The following PAK2 variants were observed in gnomAD, a reference collection of about 807,000 sequenced individuals.
The protein encoded by PAK2 is p21 (RAC1) activated kinase 2, also known as serine/threonine-protein kinase PAK 2.
In PAK2, 21 loss-of-function variants were observed where a neutral mutation model predicts 65.9. The ratio of observed to expected loss-of-function variants is 0.32; its 90% CI spans 0.23 to 0.46. The LOEUF is 0.46. Ranked by LOEUF, PAK2 falls within the 20% of genes least tolerant of loss-of-function variation. PAK2 has a pLI of 1.00. For synonymous variants in PAK2, 204 were observed against 219.7 expected, an observed-to-expected ratio of 0.93 and a Z score of 0.63; for missense variants, 324 against 642.6, an observed-to-expected ratio of 0.50 and a Z score of 5.36.
intron 2 of PAK2, among the ~76,000 whole-genome samples, chr3:196,783,301 A>ATG (rs1714771505): frequency 6.6e-6 from 1 of 152,206 alleles, no homozygotes; most frequent in Non-Finnish European, 1.5e-5. Flanking sequence ...TCACAGACTG[A>ATG]TGTGTCCTCA....
intron 4 of PAK2, among the ~76,000 whole-genome samples, chr3:196,804,404 G>A (rs1006422285): frequency 2.6e-5 from 4 of 152,076 alleles, no homozygotes; most frequent in Non-Finnish European, 4.4e-5. Context: ...ACCACAAAAT[G>A]GTAGCTTATT....
At chr3:196,779,654 C>G (rs1262957343) in intron 1 of PAK2, among the ~76,000 whole-genome samples, 2 of 152,030 alleles carry the variant, frequency 1.3e-5, no homozygotes, top group African/African-American at 4.8e-5. Flanking sequence ...AATTATTGTG[C>G]CCTGTTTTTG....
chr3:196,768,159 A>ATTTGTGAG (rs1394642683), intron 1 of PAK2, among the ~76,000 whole-genome samples: 3 of 152,076 alleles, frequency 2.0e-5, no homozygotes, highest in Non-Finnish European at 4.4e-5. Flanking sequence ...ACGTGGTGGG[A>ATTTGTGAG]CACTGAGGAG....
At position 196,831,147 on chromosome 3, in the gene PAK2, C is replaced by T. The variant is rs1712067570; in HGVS notation, c.*2742C>T. ...AGGCAGTCTGCCCACCTTGGCCTCCCAAAGTGCTGCAGTTACAGGCGTGAG... is the reference window on the plus strand; with the variant it reads ...AGGCAGTCTGCCCACCTTGGCCTCCTAAAGTGCTGCAGTTACAGGCGTGAG... On this transcript the variant is annotated 3_prime_UTR_variant, in exon 15 of 15. Coordinates refer to ENST00000327134, the MANE Select transcript of PAK2 (RefSeq NM_002577.4). 6.6e-6 allele frequency: 1 copy of T among 152,244 alleles called. No individual in the cohort carries two copies. The highest frequency in any genetic ancestry group is 1.5e-5 in the Non-Finnish European group (1 of 68,064). 9.4% of individuals were successfully genotyped at this position (152,244 alleles called of 1,614,324 possible). A position where few individuals can be genotyped will look rare whatever the true frequency, so the allele number is the denominator to read the frequency against.
Position 196,759,498 on chromosome 3 carries a change from G to GTTTTTTTTTTTTTTTTT in PAK2, c.-22+19364_-22+19380dup, listed in dbSNP as rs71301221. Reference sequence around the variant, plus strand: ...GGTATACAGTTAAGTGGTTTTTTTTGTTTTTTTTTTTTTTTTTTTTTTTTT... The same window carrying GTTTTTTTTTTTTTTTTT: ...GGTATACAGTTAAGTGGTTTTTTTTGTTTTTTTTTTTTTTTTTTTTTTTTTTTTTTTTTTTTTTTTTT... On this transcript the variant is annotated intron_variant, in intron 1 of 14. Transcript: ENST00000327134. Among the ~76,000 whole-genome samples the GTTTTTTTTTTTTTTTTT allele has an allele frequency of 7.1e-4, 77 of 108,146 alleles. 7 individuals carry two copies. Among genetic ancestry groups the GTTTTTTTTTTTTTTTTT allele is most frequent in the African/African-American group, 9.3e-4 (26 of 27,994 alleles). The allele number at this position is 108,146 out of a possible 152,430, so 70.9% of individuals were successfully genotyped here.
chr3:196,826,488 T>G (rs1711881042), intron 13 of PAK2, among the ~76,000 whole-genome samples: 1 of 152,122 alleles, frequency 6.6e-6, no homozygotes, highest in Non-Finnish European at 1.5e-5. Context: ...TTTTTTTGTT[T>G]TGTTTTTTGT....
In PAK2 at chr3:196,820,713, A is replaced by G. The variant is rs1370484669; in HGVS notation, c.1350+146A>G. ...GCCCCTAACTCTGCATCTAGAAATC[A>G]TTTGCTCTCTGAGTTACAAATTAAT... On this transcript the variant is annotated intron_variant, in intron 13 of 14. Coordinates refer to ENST00000327134, the MANE Select transcript of PAK2 (RefSeq NM_002577.4). This position sits in a 1 kb window ranked among gnomAD's most constrained non-coding sequence, Gnocchi z 4.6. 1.1e-5 allele frequency: 5 copies of G among 452,718 alleles called. No individual in the cohort carries two copies. The East Asian group carries it at 1.7e-4, about 15-fold the overall frequency. The allele number at this position is 452,718 out of a possible 1,614,324, so 28.0% of individuals were successfully genotyped here. A position where few individuals can be genotyped will look rare whatever the true frequency, so the allele number is the denominator to read the frequency against.
chr3:196,794,510 T>C (rs560333403), intron 2 of PAK2, among the ~76,000 whole-genome samples: 41 of 152,232 alleles, frequency 2.7e-4, no homozygotes, highest in African/African-American at 9.9e-4. Flanking sequence ...CTCCCCCAAT[T>C]CACAGTGTCT....
rs1201465358 is a variant in PAK2, at chr3:196,829,133, T to A, written c.*728T>A. The A allele has an allele frequency of 6.5e-6, 1 of 152,686 alleles. No individual in the cohort carries two copies. Among genetic ancestry groups the A allele is most frequent in the African/African-American group, 2.4e-5 (1 of 41,472 alleles). 9.5% of individuals were successfully genotyped at this position (152,686 alleles called of 1,614,324 possible). On this transcript the variant is annotated 3_prime_UTR_variant, in exon 15 of 15. Transcript: ENST00000327134. ...AGAGAAGACTAATAATCTCTATTTA[T>A]AACTAAATCATTGAGATAGAAAAAG... is the stretch of plus-strand genomic sequence containing the variant.
chr3:196,771,725 A>G (rs1415727359), intron 1 of PAK2, among the ~76,000 whole-genome samples: 3 of 151,760 alleles, frequency 2.0e-5, no homozygotes, highest in African/African-American at 7.3e-5. Context: ...CGCCTGGCTA[A>G]TTTTGTATTT....
Position 196,797,750 on chromosome 3 carries a change from C to CA in PAK2, c.188-4168dup, listed in dbSNP as rs549203096. On this transcript the variant is annotated intron_variant, in intron 2 of 14. Coordinates refer to ENST00000327134, the MANE Select transcript of PAK2 (RefSeq NM_002577.4). Reference sequence around the variant, plus strand: ...TGGGCAACAAAGCAAGACTCTGTCTCAAAAAAAAATAAAATAAATAAAGGA... The same window carrying CA: ...TGGGCAACAAAGCAAGACTCTGTCTCAAAAAAAAAATAAAATAAATAAAGGA... Among the ~76,000 whole-genome samples, 376 of 146,620 alleles carry CA rather than the reference C, an allele frequency of 2.6e-3. 2 individuals are homozygous for CA. The highest frequency in any genetic ancestry group is 5.1e-3 in the African/African-American group (202 of 39,592).
chr3:196,821,770 GA>G (rs1711662501), intron 13 of PAK2, among the ~76,000 whole-genome samples: 1 of 152,070 alleles, frequency 6.6e-6, no homozygotes, highest in Non-Finnish European at 1.5e-5. Context: ...ATCTGCTTTG[GA>G]AAACAACTTG....
chr3:196,751,674 C>CATATATATATAT (rs149522539), intron 1 of PAK2, among the ~76,000 whole-genome samples: 1,194 of 71,742 alleles, frequency 0.017, 65 homozygotes, highest in South Asian at 0.047. Flanking sequence ...TATTTATATA[C>CATATATATATAT]ATATATATAT....
At chr3:196,745,446 TTC>T (rs1330763895) in intron 1 of PAK2, among the ~76,000 whole-genome samples, 2 of 151,998 alleles carry the variant, frequency 1.3e-5, no homozygotes, top group Admixed American at 6.6e-5. Context: ...ATCTTAATCT[TTC>T]TGGAATTTTT....
At chr3:196,771,410 TCTA>T (rs1282122344) in intron 1 of PAK2, among the ~76,000 whole-genome samples, 2 of 152,146 alleles carry the variant, frequency 1.3e-5, no homozygotes, top group African/African-American at 4.8e-5. Context: ...TCATTAGACT[TCTA>T]CTTACAGATT....
intron 7 of PAK2, among the ~76,000 whole-genome samples, chr3:196,809,204 C>T (rs561862346): frequency 1.3e-4 from 19 of 144,210 alleles, no homozygotes; most frequent in African/African-American, 2.5e-4. Flanking sequence ...GCTGTGATTG[C>T]GCCACTGCAC....
At chr3:196,765,144 T>C (rs1276711924) in intron 1 of PAK2, among the ~76,000 whole-genome samples, 1 of 13,068 alleles carries the variant, frequency 7.7e-5, no homozygotes, top group African/African-American at 2.6e-4. Context: ...GTGCCCGGCC[T>C]TTTTTTTTTT....
At chr3:196,757,642 C>G (rs1713814113) in intron 1 of PAK2, among the ~76,000 whole-genome samples, 1 of 152,098 alleles carries the variant, frequency 6.6e-6, no homozygotes, top group Non-Finnish European at 1.5e-5. Context: ...TTGCCCAGAC[C>G]CTGCACCATT....
At chr3:196,793,987 T>C (rs542335180) in intron 2 of PAK2, among the ~76,000 whole-genome samples, 1 of 151,768 alleles carries the variant, frequency 6.6e-6, no homozygotes, top group African/African-American at 2.4e-5. Context: ...AAAAATTAGC[T>C]GGGCTCGGTG....
Sources: gnomAD v4.1 joint callset for allele counts (sites outside exome capture counted in the v4.1 genomes callset) on GRCh38, gnomAD v4.1.1 for gene constraint, Gnocchi (gnomAD v3.1) non-coding constraint, MANE v1.5 for transcripts, NCBI Gene and HGNC (gene_info 2026-07-23, HGNC 2026-07-21) for gene names.